BSN: variants seen among roughly 807,000 people sequenced by gnomAD.
The protein encoded by BSN is protein bassoon.
In BSN, 57 loss-of-function variants were observed where a neutral mutation model predicts 264.8. That is an observed-to-expected ratio of 0.22 (90% CI 0.17 to 0.27). BSN has a LOEUF of 0.27. Among genes scored for constraint, BSN ranks in the 10% least tolerant of loss-of-function variants. The probability of loss-of-function intolerance (pLI) is 1.00; values close to 1 mark genes in which losing one functional copy is unlikely to be tolerated. For missense variants in BSN, 4,615 were observed against 5,232.5 expected (o/e 0.88, Z 3.64); for synonymous variants, 2,059 against 2,137.3 (o/e 0.96, Z 1.01).
At chr3:49,594,075 A>C (rs913597988) in intron 1 of BSN, among the ~76,000 whole-genome samples, 4 of 152,062 alleles carry the variant, frequency 2.6e-5, no homozygotes, top group Non-Finnish European at 5.9e-5. Context: ...TACAGGCGTG[A>C]GCCACCACGC....
Position 49,656,369 on chromosome 3 carries a change from C to T in BSN, c.6813C>T (p.Ser2271=), listed in dbSNP as rs1293740554. The change falls in exon 5 of 12, where the codon TCC becomes TCT. Residue 2271 remains serine (S), a synonymous_variant. Transcript: ENST00000296452. ...CACCAAGTAGATTTCCCATTGCTTC[C>T]AGTGTTCCACCTGCAGAAGGGCCTG... ...YPAPSRFPIA[S]SVPPAEGPVY... is the part of the protein sequence containing the mutation. The T allele has an allele frequency of 6.2e-7, 1 of 1,601,138 alleles. No homozygotes were observed. The highest frequency in any genetic ancestry group is 8.5e-7 in the Non-Finnish European group (1 of 1,173,004).
intron 2 of BSN, among the ~76,000 whole-genome samples, chr3:49,628,549 T>A (rs1321198690): frequency 6.6e-6 from 1 of 152,000 alleles, no homozygotes; most frequent in African/African-American, 2.4e-5. Flanking sequence ...CTGCTGGAGG[T>A]CTACTACACT....
At chr3:49,610,788 C>G (rs1393547531) in intron 1 of BSN, among the ~76,000 whole-genome samples, 1 of 152,136 alleles carries the variant, frequency 6.6e-6, no homozygotes, top group African/African-American at 2.4e-5. Flanking sequence ...ACAGGAGGCT[C>G]TGGGATGCCT....
chr3:49,575,312 G>T (rs780222767), intron 1 of BSN, among the ~76,000 whole-genome samples: 1 of 151,376 alleles, frequency 6.6e-6, no homozygotes, highest in African/African-American at 2.4e-5. Context: ...CGAGATCGCA[G>T]CACTGCACTC....
chr3:49,567,390 C>G (rs768985848), intron 1 of BSN, among the ~76,000 whole-genome samples: 2 of 152,176 alleles, frequency 1.3e-5, no homozygotes, highest in African/African-American at 2.4e-5. Flanking sequence ...ATAAACCAGC[C>G]CAAACTCAGT....
rs142556977 is a variant in BSN, at chr3:49,571,051, C to T, written c.224+16225C>T. ...TCCTTCAGCTTCCTTTTCCTTAGTC[C>T]CTACTAGTGGCTCAGGAAAAAACAA... On this transcript the variant is annotated intron_variant, in intron 1 of 11. Coordinates refer to ENST00000296452, the MANE Select transcript of BSN (RefSeq NM_003458.4). Among the ~76,000 whole-genome samples the T allele has an allele frequency of 3.9e-3, 600 of 152,198 alleles. 3 individuals are homozygous for T. The highest frequency in any genetic ancestry group is 0.011 in the African/African-American group (458 of 41,522).
chr3:49,673,087 C>CTTTTTTTTTTTTTTTTTTTTTT (rs71080543), downstream of BSN, among the ~76,000 whole-genome samples: 52 of 43,208 alleles, frequency 1.2e-3, 11 homozygotes, highest in East Asian at 8.1e-3. Context: ...CCGGCCGGGA[C>CTTTTTTTTTTTTTTTTTTTTTT]TTTTTTTTTT....
intron 1 of BSN, among the ~76,000 whole-genome samples, chr3:49,620,456 GA>G (rs1327497684): frequency 2.9e-3 from 426 of 144,510 alleles, no homozygotes; most frequent in African/African-American, 1.0e-2. Flanking sequence ...AAAAAAAAAA[GA>G]AAAAAAAAAC....
At chr3:49,588,147 C>T (rs929708354) in intron 1 of BSN, among the ~76,000 whole-genome samples, 1 of 151,920 alleles carries the variant, frequency 6.6e-6, no homozygotes, top group Non-Finnish European at 1.5e-5. Context: ...GTCTCAAACT[C>T]CTGACCTTAG....
chr3:49,583,622 A>T, intron 1 of BSN, among the ~76,000 whole-genome samples: 1 of 151,572 alleles, frequency 6.6e-6, no homozygotes, highest in East Asian at 1.9e-4. Context: ...ATAAAATAAA[A>T]TTTTTAAAAA....
chr3:49,638,896 G>C lies in BSN; in HGVS notation c.634-3372G>C, dbSNP rs2052439762. Among the ~76,000 whole-genome samples the C allele has an allele frequency of 6.6e-6, 1 of 152,206 alleles. No individual in the cohort carries two copies. Among genetic ancestry groups the C allele is most frequent in the Non-Finnish European group, 1.5e-5 (1 of 68,038 alleles). ...GGCATGCTGCAGTGCCCAGGTGAAT[G>C]AGAGAGATGGGACGTTGGGTGTGGG... On this transcript the variant is annotated intron_variant, in intron 2 of 11. Coordinates refer to ENST00000296452, the MANE Select transcript of BSN (RefSeq NM_003458.4). The surrounding 1 kb of genome is among the most constrained non-coding windows in gnomAD (Gnocchi z 4.3).
intron 1 of BSN, among the ~76,000 whole-genome samples, chr3:49,619,985 G>C (rs963216839): frequency 1.5e-3 from 10 of 6,614 alleles, no homozygotes; most frequent in African/African-American, 2.7e-3. Flanking sequence ...ACACAGAACT[G>C]GCAGTTTAAT....
chr3:49,669,709 C>T lies in BSN; in HGVS notation c.*2224C>T, dbSNP rs1265491553. 1 of 152,234 alleles carries T rather than the reference C, an allele frequency of 6.6e-6. No homozygotes were observed. The highest frequency in any genetic ancestry group is 2.4e-5 in the African/African-American group (1 of 41,438). The allele number at this position is 152,234 out of a possible 1,614,324, so 9.4% of individuals were successfully genotyped here. On this transcript the variant is annotated 3_prime_UTR_variant, in exon 12 of 12. Transcript: ENST00000296452. ...TGTGGTGAGAACAGTTGACAGTGGT[C>T]ATCTGGAACTGTTCATATAAACAGT...
intron 1 of BSN, among the ~76,000 whole-genome samples, chr3:49,571,968 GTTTC>G (rs1299895827): frequency 6.6e-6 from 1 of 152,058 alleles, no homozygotes; most frequent in Non-Finnish European, 1.5e-5. Flanking sequence ...TGAGAATATT[GTTTC>G]TTTGTCCATT....
In BSN at chr3:49,660,963, G is replaced by A. The variant is rs572339277; in HGVS notation, c.9118G>A (p.Ala3040Thr). Residue 3040 changes from alanine to threonine, a missense_variant, in exon 6 of 12, where the codon GCT (alanine) becomes ACT (threonine). Ala to Thr is a moderately conservative substitution (Grantham distance 58). Around this residue, in one of 3 missense-constraint regions of BSN, gnomAD observed 3,415 missense variants for 3,866.4 expected, o/e 0.88. Coordinates refer to ENST00000296452, the MANE Select transcript of BSN (RefSeq NM_003458.4). The surrounding 1 kb of genome is among the most constrained non-coding windows in gnomAD (Gnocchi z 7.1). ...GQFVDFPATA[A>T]APATPSGPTA... Reference sequence around the variant, plus strand: ...GTTTGTGGACTTCCCTGCCACTGCCGCTGCTCCTGCCACCCCCTCTGGTCC... The same window carrying A: ...GTTTGTGGACTTCCCTGCCACTGCCACTGCTCCTGCCACCCCCTCTGGTCC... 13 of 1,611,676 alleles carry A rather than the reference G, an allele frequency of 8.1e-6. No homozygotes were observed. The highest frequency in any genetic ancestry group is 1.6e-4 in the Middle Eastern group (1 of 6,062).
chr3:49,661,998 C>A lies in BSN; in HGVS notation c.10153C>A (p.Leu3385Met). Residue 3385 changes from leucine (L) to methionine (M), a missense_variant, in exon 6 of 12, where the codon CTG becomes ATG. Physicochemically the swap from Leu to Met is conservative, Grantham distance 15. Transcript: ENST00000296452. ...IEEAKDVESD[L>M]ASYPPPAVSS... ...AGAGGCCAAAGACGTAGAGTCAGAC[C>A]TGGCGTCCTACCCCCCACCTGCAGT... 1 of 1,613,944 alleles carries A rather than the reference C, an allele frequency of 6.2e-7. No homozygotes were observed. Among genetic ancestry groups the A allele is most frequent in the South Asian group, 1.1e-5 (1 of 91,076 alleles).
intron 1 of BSN, among the ~76,000 whole-genome samples, chr3:49,614,621 G>T (rs984603170): frequency 3.3e-5 from 5 of 152,200 alleles, no homozygotes; most frequent in Non-Finnish European, 5.9e-5. Context: ...AGGTCTAAGG[G>T]TTTGGTTTTG....
Position 49,655,409 on chromosome 3 carries a change from G to A in BSN, c.5853G>A (p.Glu1951=), listed in dbSNP as rs759432055. The change falls in exon 5 of 12, where the codon GAG becomes GAA. Residue 1951 remains glutamate, a synonymous_variant. Transcript: ENST00000296452. The part of the protein sequence containing the change: ...FYGPRDPEPP[E]PPTYRAQGVV... ...GTCCCCGGGACCCTGAGCCTCCTGA[G>A]CCCCCAACCTACCGGGCACAGGGGG... 4.5e-6 allele frequency: 7 copies of A among 1,571,254 alleles called. No individual in the cohort carries two copies. The highest frequency in any genetic ancestry group is 6.0e-6 in the Non-Finnish European group (7 of 1,158,452).
Position 49,666,968 on chromosome 3 carries a change from A to G in BSN, c.*105-622A>G, listed in dbSNP as rs558311199. Among the ~76,000 whole-genome samples the G allele has an allele frequency of 5.9e-5, 9 of 152,302 alleles. No individual in the cohort carries two copies. The South Asian group carries it at 1.2e-3, about 21-fold the overall frequency. ...GCCCTGGAACAGATGTGAAATCACA[A>G]GTGGTGCTGAAAGTGGGGGAAGGAG... On this transcript the variant is annotated intron_variant, in intron 11 of 11. Transcript: ENST00000296452.
Sources: gnomAD v4.1 joint callset for allele counts (sites outside exome capture counted in the v4.1 genomes callset) on GRCh38, gnomAD v4.1.1 for gene constraint, gnomAD v4.1.1 regional missense constraint, Gnocchi (gnomAD v3.1) non-coding constraint, MANE v1.5 for transcripts, NCBI Gene and HGNC (gene_info 2026-07-23, HGNC 2026-07-21) for gene names.